DMXL1: variants seen among roughly 807,000 people sequenced by gnomAD.
DMXL1 encodes the protein dmX-like protein 1.
DMXL1 carries 99 observed loss-of-function variants against 319.2 expected under a neutral mutation model. The observed-to-expected ratio is 0.31, with a 90% CI of 0.26 to 0.37. DMXL1 has a LOEUF of 0.37. DMXL1 is among the 10% of genes least tolerant of loss of function. The pLI, the probability that DMXL1 is intolerant of heterozygous loss-of-function variation, is 1.00. For missense variants in DMXL1, 3,745 were observed against 3,595.6 expected (o/e 1.04, Z -1.06); for synonymous variants, 1,385 against 1,235.2 (o/e 1.12, Z -2.54).
At chr5:119,122,608 G>C (rs1277715386) in intron 9 of DMXL1, among the ~76,000 whole-genome samples, 1 of 148,270 alleles carries the variant, frequency 6.7e-6, no homozygotes, top group Non-Finnish European at 1.5e-5. Flanking sequence ...CAGGCAGAGG[G>C]TCTCCTCACT....
intron 19 of DMXL1, 99 bp from the exon 20 acceptor site, chr5:119,164,408 A>C (rs112961719): frequency 1.8e-6 from 2 of 1,085,212 alleles, no homozygotes; most frequent in Middle Eastern, 2.8e-4. Context: ...GTCTCATAGA[A>C]GTTTACACAT....
chr5:119,177,596 T>TCTG, intron 27 of DMXL1, 112 bp downstream of exon 27: 1 of 855,136 alleles, frequency 1.2e-6, no homozygotes. Context: ...ACTGTTAGAA[T>TCTG]TGATACCAGT....
Position 119,101,017 on chromosome 5 carries a change from A to G in DMXL1, c.214-918A>G, listed in dbSNP as rs972802896. On this transcript the variant is annotated intron_variant, in intron 2 of 43. Coordinates refer to ENST00000539542, the MANE Select transcript of DMXL1 (RefSeq NM_001290321.3). ...AGGATGGACTCGATCTCCTGACCTC[A>G]TGATCCTCCCGCCTCGGCCTCCCAA... Among the ~76,000 whole-genome samples, 10 of 151,646 alleles carry G rather than the reference A, an allele frequency of 6.6e-5. 1 individual carries two copies. Among genetic ancestry groups the G allele is most frequent in the African/African-American group, 2.2e-4 (9 of 41,272 alleles).
intron 19 of DMXL1, among the ~76,000 whole-genome samples, chr5:119,163,841 CTGGGATTACAGG>C (rs1772811080): frequency 6.6e-6 from 1 of 152,180 alleles, no homozygotes; most frequent in South Asian, 2.1e-4. Context: ...TCCCAAAGTG[CTGGGATTACAGG>C]CATGAGCCAG....
intron 5 of DMXL1, 87 bp from the exon 6 acceptor site, chr5:119,114,388 C>A: frequency 1.1e-6 from 1 of 918,402 alleles, no homozygotes; most frequent in Non-Finnish European, 1.7e-6. Context: ...GTCTTTTGAA[C>A]CAATTGCTGA....
At chr5:119,120,725 C>T (rs1761861953) in intron 8 of DMXL1, among the ~76,000 whole-genome samples, 1 of 152,164 alleles carries the variant, frequency 6.6e-6, no homozygotes, top group Admixed American at 6.5e-5. Context: ...AATTGCAAAA[C>T]ACTGTGTGAG....
chr5:119,241,713 G>C (rs1261200079), intron 42 of DMXL1, among the ~76,000 whole-genome samples: 2 of 152,060 alleles, frequency 1.3e-5, no homozygotes, highest in African/African-American at 4.8e-5. Context: ...TGGTTCCCAT[G>C]GTGTTATTCA....
At chr5:119,196,505 C>A in intron 31 of DMXL1, 49 bp downstream of exon 31, 103 of 1,030,508 alleles carry the variant, frequency 1.0e-4, no homozygotes, top group Non-Finnish European at 1.3e-4. Context: ...TTTTGACTTA[C>A]TACTCTGTTG....
intron 9 of DMXL1, among the ~76,000 whole-genome samples, chr5:119,122,351 C>G (rs1192500630): frequency 6.7e-6 from 1 of 149,248 alleles, no homozygotes; most frequent in South Asian, 2.1e-4. Context: ...GGCGGCTGGC[C>G]GGGCAGAGGG....
intron 5 of DMXL1, among the ~76,000 whole-genome samples, chr5:119,110,491 C>G (rs1381587471): frequency 6.6e-6 from 1 of 152,106 alleles, no homozygotes; most frequent in African/African-American, 2.4e-5. Context: ...TAGGAAGAAA[C>G]AAATGTGTAA....
intron 9 of DMXL1, among the ~76,000 whole-genome samples, chr5:119,125,252 T>A (rs1561652213): frequency 6.6e-6 from 1 of 152,072 alleles, no homozygotes; most frequent in East Asian, 1.9e-4. Flanking sequence ...GTAAAAAGAC[T>A]TTTTTTCTCT....
In DMXL1 at chr5:119,247,923, A is replaced by T. The variant is rs1790054151; in HGVS notation, c.*704A>T. 1 of 20,718 alleles carries T rather than the reference A, an allele frequency of 4.8e-5. No homozygotes were observed. Among genetic ancestry groups the T allele is most frequent in the East Asian group, 0.056 (1 of 18 alleles). The allele number at this position is 20,718 out of a possible 1,614,324, so 1.3% of individuals were successfully genotyped here. On this transcript the variant is annotated 3_prime_UTR_variant, in exon 44 of 44. Coordinates refer to ENST00000539542, the MANE Select transcript of DMXL1 (RefSeq NM_001290321.3). Reference sequence around the variant, plus strand: ...CCATAACAACTATTGCCACCAGAATAACTTTTTTTTTGCAACTGTGCTTTT... The same window carrying T: ...CCATAACAACTATTGCCACCAGAATTACTTTTTTTTTGCAACTGTGCTTTT...
rs1264985055 is a variant in DMXL1 at position 119,110,405 on chromosome 5, A to G, written c.497+122A>G. The stretch of plus-strand genomic sequence containing the variant: ...AAAGTATTGATTTTTAGTCTATGAT[A>G]TGCTTTTTCTTATACACAGATAATT... On this transcript the variant is annotated intron_variant, in intron 5 of 43. Transcript: ENST00000539542. The G allele has an allele frequency of 4.5e-6, 4 of 884,936 alleles. No homozygotes were observed. In the East Asian group the frequency reaches 1.2e-4, roughly 26 times the overall value. The allele number at this position is 884,936 out of a possible 1,614,324, so 54.8% of individuals were successfully genotyped here. A position where few individuals can be genotyped will look rare whatever the true frequency, so the allele number is the denominator to read the frequency against.
chr5:119,126,618 CA>C (rs573967667), intron 9 of DMXL1, among the ~76,000 whole-genome samples: 2 of 152,130 alleles, frequency 1.3e-5, no homozygotes, highest in South Asian at 2.1e-4. Flanking sequence ...ATAACAATAA[CA>C]AAAAAAATTT....
intron 28 of DMXL1, among the ~76,000 whole-genome samples, chr5:119,178,839 A>G (rs1048075244): frequency 6.6e-6 from 1 of 152,194 alleles, no homozygotes; most frequent in African/African-American, 2.4e-5. Context: ...TTTGATTTAA[A>G]ACAATGATTA....
At chr5:119,219,116 A>T (rs1784200801) in intron 35 of DMXL1, among the ~76,000 whole-genome samples, 1 of 152,236 alleles carries the variant, frequency 6.6e-6, no homozygotes, top group Non-Finnish European at 1.5e-5. Context: ...CCAGAAAATC[A>T]GCACTTTACA....
intron 1 of DMXL1, among the ~76,000 whole-genome samples, chr5:119,079,818 T>A (rs1003967827): frequency 6.6e-6 from 1 of 152,226 alleles, no homozygotes; most frequent in Non-Finnish European, 1.5e-5. Context: ...CTTGGCTTAG[T>A]TATACCATAC....
Position 119,206,825 on chromosome 5 carries a change from T to G in DMXL1, c.7864-9T>G, listed in dbSNP as rs553608558. The G allele has an allele frequency of 6.0e-6, 9 of 1,505,742 alleles. No individual in the cohort carries two copies. The South Asian group carries it at 1.1e-4, about 19-fold the overall frequency. 93.3% of individuals were successfully genotyped at this position (1,505,742 alleles called of 1,614,324 possible). The stretch of plus-strand genomic sequence containing the variant: ...CTCTTTGTCATGTGGTTATTCTTTC[T>G]TGATGAAGTCATTAGAGGACAACAG... On this transcript the variant is annotated splice_polypyrimidine_tract_variant and intron_variant, in intron 33 of 43. Transcript: ENST00000539542.
Position 119,134,120 on chromosome 5 carries a change from T to C in DMXL1, c.2196T>C (p.His732=). 6.2e-7 allele frequency: 1 copy of C among 1,614,100 alleles called. No homozygotes were observed. Among genetic ancestry groups the C allele is most frequent in the Non-Finnish European group, 8.5e-7 (1 of 1,180,048 alleles). Residue 732 remains histidine (H), a synonymous_variant, in exon 12 of 44, where the codon CAT becomes CAC. Transcript: ENST00000539542. ...VSELARINSL[H]VSAFSNVAWL... is the part of the protein sequence containing the mutation. ...AGCTTGCCCGGATTAATTCTCTTCA[T>C]GTTTCTGCCTTTTCCAATGTGGCAT...
Sources: gnomAD v4.1 joint callset for allele counts (sites outside exome capture counted in the v4.1 genomes callset) on GRCh38, gnomAD v4.1.1 for gene constraint, MANE v1.5 for transcripts, NCBI Gene and HGNC (gene_info 2026-07-23, HGNC 2026-07-21) for gene names.